Variants in DCC observed in about 807,000 individuals in gnomAD.
The protein encoded by DCC is DCC netrin 1 receptor.
A neutral mutation model predicts 172.5 loss-of-function variants in DCC; 58 were observed. The observed-to-expected ratio is 0.34, with a 90% CI of 0.27 to 0.42. The LOEUF (loss-of-function observed/expected upper bound fraction) is 0.42. Ranked by LOEUF, DCC falls within the 10% of genes least tolerant of loss-of-function variation. DCC has a pLI of 1.00. For missense variants in DCC, 1,740 were observed against 1,791.0 expected (o/e 0.97, Z 0.51); for synonymous variants, 709 against 644.5 (o/e 1.10, Z -1.52).
intron 2 of DCC, among the ~76,000 whole-genome samples, chr18:52,864,390 C>T (rs917718515): frequency 3.3e-5 from 5 of 152,142 alleles, no homozygotes. Flanking sequence ...AGGAAACACA[C>T]AGATGAACCT....
intron 15 of DCC, among the ~76,000 whole-genome samples, chr18:53,374,739 G>A (rs932308436): frequency 2.6e-5 from 4 of 152,106 alleles, no homozygotes; most frequent in African/African-American, 9.7e-5. Flanking sequence ...CACTTGTTGA[G>A]TGAAATGGCA....
At chr18:53,497,231 A>AT (rs1456928073) in intron 26 of DCC, among the ~76,000 whole-genome samples, 9 of 152,200 alleles carry the variant, frequency 5.9e-5, no homozygotes, top group Non-Finnish European at 1.0e-4. Context: ...AAGCCAAAGC[A>AT]TTTTCACTTC....
rs1044559902 is a variant in DCC, at chr18:52,381,807, T to C, written c.91+40929T>C. On this transcript the variant is annotated intron_variant, in intron 1 of 28. Coordinates refer to ENST00000442544, the MANE Select transcript of DCC (RefSeq NM_005215.4). ...ATTCTTAGGAGCTGCTGCTAATTATTGATCCTACTCTCATGGTATAAGACA... is the reference window on the plus strand; with the variant it reads ...ATTCTTAGGAGCTGCTGCTAATTATCGATCCTACTCTCATGGTATAAGACA... 4.6e-5 allele frequency among the ~76,000 whole-genome samples: 7 copies of C among 152,186 alleles called. No homozygotes were observed. In the East Asian group the frequency reaches 7.7e-4, roughly 17 times the overall value.
chr18:52,417,866 T>A (rs993701997), intron 1 of DCC, among the ~76,000 whole-genome samples: 3 of 152,240 alleles, frequency 2.0e-5, no homozygotes, highest in African/African-American at 7.2e-5. Context: ...CCTTCTTCTC[T>A]CAACTCATCA....
At chr18:53,312,168 A>G (rs1462300794) in intron 13 of DCC, among the ~76,000 whole-genome samples, 4 of 35,658 alleles carry the variant, frequency 1.1e-4, no homozygotes, top group East Asian at 2.0e-3. Context: ...AAAAAAAAAA[A>G]AAAAAAAAAG....
intron 15 of DCC, among the ~76,000 whole-genome samples, chr18:53,353,340 A>G (rs2057834663): frequency 6.6e-6 from 1 of 152,088 alleles, no homozygotes; most frequent in Non-Finnish European, 1.5e-5. Context: ...TAAAAAAACT[A>G]TAAAACCCAC....
At chr18:52,955,979 G>T (rs924715001) in intron 5 of DCC, among the ~76,000 whole-genome samples, 2 of 151,150 alleles carry the variant, frequency 1.3e-5, no homozygotes, top group Middle Eastern at 3.4e-3. Context: ...TTTTAAATCA[G>T]TTGCATGTCT....
chr18:52,637,792 A>G (rs889274848), intron 1 of DCC, among the ~76,000 whole-genome samples: 1 of 152,226 alleles, frequency 6.6e-6, no homozygotes, highest in African/African-American at 2.4e-5. Flanking sequence ...AAACCTAGAC[A>G]TTTAAATACA....
intron 1 of DCC, among the ~76,000 whole-genome samples, chr18:52,672,108 C>G (rs1402560820): frequency 6.6e-6 from 1 of 151,816 alleles, no homozygotes; most frequent in Non-Finnish European, 1.5e-5. Context: ...TGTACAAAAA[C>G]AAAAAACAAA....
intron 24 of DCC, among the ~76,000 whole-genome samples, chr18:53,466,682 C>T (rs1167777643): frequency 6.6e-6 from 1 of 152,154 alleles, no homozygotes; most frequent in Non-Finnish European, 1.5e-5. Context: ...GCCACCACCA[C>T]ACCCAGCTAA....
intron 5 of DCC, among the ~76,000 whole-genome samples, chr18:52,962,687 A>G (rs1287604538): frequency 6.6e-6 from 1 of 151,800 alleles, no homozygotes; most frequent in Admixed American, 6.6e-5. Flanking sequence ...TCACAGTAGC[A>G]AAGACTTGGA....
chr18:52,905,415 C>T (rs540036465), intron 2 of DCC, among the ~76,000 whole-genome samples: 10 of 152,164 alleles, frequency 6.6e-5, no homozygotes, highest in Non-Finnish European at 1.5e-4. Flanking sequence ...CACAAGCTAT[C>T]CTAATTCCAG....
intron 5 of DCC, among the ~76,000 whole-genome samples, chr18:53,042,050 G>T (rs553984603): frequency 2.4e-4 from 36 of 151,988 alleles, no homozygotes; most frequent in Non-Finnish European, 4.6e-4. Context: ...TGTTGAACGG[G>T]AGTGGTGAGA....
chr18:52,676,692 C>T (rs185580967), intron 1 of DCC, among the ~76,000 whole-genome samples: 81 of 152,246 alleles, frequency 5.3e-4, no homozygotes, highest in African/African-American at 1.8e-3. Flanking sequence ...CAGACATCAC[C>T]CTGTCCCAAG....
intron 2 of DCC, among the ~76,000 whole-genome samples, chr18:52,857,522 T>G (rs2039073732): frequency 6.6e-6 from 1 of 152,184 alleles, no homozygotes; most frequent in Non-Finnish European, 1.5e-5. Flanking sequence ...TAGAAAACTA[T>G]AAACTGAATG....
rs370001912 is a variant in DCC, at chr18:52,739,701, C to A, written c.92-12353C>A. Among the ~76,000 whole-genome samples the A allele has an allele frequency of 6.6e-5, 10 of 152,318 alleles. No homozygotes were observed. The East Asian group carries it at 7.7e-4, about 12-fold the overall frequency. On this transcript the variant is annotated intron_variant, in intron 1 of 28. Coordinates refer to ENST00000442544, the MANE Select transcript of DCC (RefSeq NM_005215.4). ...TGTATCACTAGCTCTAAGGTACTACCGGAAATCACACCATGTCAGAGGCCA... is the reference window on the plus strand; with the variant it reads ...TGTATCACTAGCTCTAAGGTACTACAGGAAATCACACCATGTCAGAGGCCA...
intron 2 of DCC, among the ~76,000 whole-genome samples, chr18:52,858,930 A>G (rs2039093076): frequency 6.6e-6 from 1 of 152,350 alleles, no homozygotes; most frequent in East Asian, 1.9e-4. Flanking sequence ...TCAAGAAAGC[A>G]CCACTATGCA....
intron 1 of DCC, among the ~76,000 whole-genome samples, chr18:52,479,681 A>G: frequency 6.6e-6 from 1 of 151,432 alleles, no homozygotes; most frequent in East Asian, 1.9e-4. Flanking sequence ...TAATCCATTC[A>G]AGTGTAATTT....
At chr18:52,517,766 C>A (rs1014449681) in intron 1 of DCC, among the ~76,000 whole-genome samples, 1 of 152,106 alleles carries the variant, frequency 6.6e-6, no homozygotes, top group African/African-American at 2.4e-5. Context: ...AATTCTGTTC[C>A]ATGGAGAACC....
Sources: allele counts gnomAD v4.1 joint callset (sites outside exome capture counted in the v4.1 genomes callset), GRCh38; gene constraint gnomAD v4.1.1; transcripts MANE v1.5; gene names NCBI Gene and HGNC (gene_info 2026-07-23, HGNC 2026-07-21).